NNT: variants seen among roughly 807,000 people sequenced by gnomAD.
The protein encoded by NNT is nicotinamide nucleotide transhydrogenase.
Under a neutral mutation model 104.8 loss-of-function variants are expected in NNT, and 50 were observed. That is an observed-to-expected ratio of 0.48 (90% CI 0.38 to 0.60). NNT has a LOEUF of 0.60. Among genes scored for constraint, NNT ranks in the 20% least tolerant of loss-of-function variants. The probability of loss-of-function intolerance (pLI) is 0.00; values close to 1 mark genes in which losing one functional copy is unlikely to be tolerated. For missense variants in NNT, 1,131 were observed against 1,330.7 expected (o/e 0.85, Z 2.33); for synonymous variants, 461 against 490.4 (o/e 0.94, Z 0.79).
At chr5:43,637,856 C>G (rs1374552893) in intron 7 of NNT, among the ~76,000 whole-genome samples, 1 of 152,138 alleles carries the variant, frequency 6.6e-6, no homozygotes, top group East Asian at 1.9e-4. Flanking sequence ...CGGCTTACAC[C>G]TGGATTTCTG....
At chr5:43,635,386 A>C (rs1750880235) in intron 7 of NNT, among the ~76,000 whole-genome samples, 1 of 152,026 alleles carries the variant, frequency 6.6e-6, no homozygotes. Flanking sequence ...GGGATGGAGG[A>C]GTGTGCATGG....
At chr5:43,658,646 C>A (rs1288698446) in intron 16 of NNT, among the ~76,000 whole-genome samples, 1 of 152,114 alleles carries the variant, frequency 6.6e-6, no homozygotes, top group Non-Finnish European at 1.5e-5. Context: ...CAAGAGTCAT[C>A]CAGAGATTTG....
At position 43,659,177 on chromosome 5, in the gene NNT, A is replaced by C; in HGVS notation, c.2461A>C (p.Thr821Pro). Residue 821 changes from threonine (T) to proline (P), a missense_variant, in exon 17 of 22, where the codon ACT (threonine) becomes CCT (proline). By Grantham distance (38) the Thr-to-Pro change is conservative. Transcript: ENST00000344920. ...VSALSAVMGVTLTAAIGGADM... is the reference protein window; with the variant it reads ...VSALSAVMGVPLTAAIGGADM... ...GATTTGATTGTTGTTCTAGGGTGTG[A>C]CTTTGACAGCTGCTATTGGGGGTGC... 1.2e-6 allele frequency: 2 copies of C among 1,602,644 alleles called. No individual in the cohort carries two copies. The highest frequency in any genetic ancestry group is 1.7e-6 in the Non-Finnish European group (2 of 1,174,636).
At position 43,619,034 on chromosome 5, in the gene NNT, AT is replaced by A; in HGVS notation, c.603del (p.Tyr201Ter). 1 of 1,517,136 alleles carries A rather than the reference AT, an allele frequency of 6.6e-7. No homozygotes were observed. The highest frequency in any genetic ancestry group is 8.9e-7 in the Non-Finnish European group (1 of 1,125,334). The allele number at this position is 1,517,136 out of a possible 1,614,324, so 94.0% of individuals were successfully genotyped here. A position where few individuals can be genotyped will look rare whatever the true frequency, so the allele number is the denominator to read the frequency against. On this transcript the variant is annotated frameshift_variant, in exon 5 of 22. Transcript: ENST00000344920. LOFTEE classifies it high-confidence loss of function. ...TATTTATTTATTTATTTTTAAAGTT[AT>A]AAGGCTGTTGTCCTAGCAGCAAATC... ...ALSSMANIAG[Y>X]KAVVLAANHF...
At chr5:43,693,941 T>C (rs1464333541) in intron 19 of NNT, among the ~76,000 whole-genome samples, 2 of 152,224 alleles carry the variant, frequency 1.3e-5, no homozygotes, top group African/African-American at 4.8e-5. Context: ...GTTCATTCTC[T>C]GCAGTTTGTT....
At position 43,633,495 on chromosome 5, in the gene NNT, C is replaced by T. The variant is rs569169199; in HGVS notation, c.964+5108C>T. ...CTACTCAACTCAATTACTACATCCT[C>T]CATAGTTTCTATTGCCTCCTGCTCA... On this transcript the variant is annotated intron_variant, in intron 7 of 21. Transcript: ENST00000344920. Among the ~76,000 whole-genome samples the T allele has an allele frequency of 2.9e-3, 436 of 152,330 alleles. 2 individuals are homozygous for T. Among genetic ancestry groups the T allele is most frequent in the African/African-American group, 0.01 (421 of 41,574 alleles).
Position 43,649,299 on chromosome 5 carries a change from G to T in NNT, c.1597G>T (p.Ala533Ser). ...CTCACCACTGATGTCTGTGACAAAT[G>T]CAATCTCAGGTTTGTTCCTCTCTTG... ...LHSPLMSVTN[A>S]ISGLTAVGGL... is the part of the protein sequence containing the mutation. The change falls in exon 11 of 22, where the codon GCA becomes TCA. Residue 533 changes from alanine (A) to serine (S), a missense_variant. Coordinates refer to ENST00000344920, the MANE Select transcript of NNT (RefSeq NM_182977.3). 6.2e-7 allele frequency: 1 copy of T among 1,614,092 alleles called. No individual in the cohort carries two copies. Among genetic ancestry groups the T allele is most frequent in the South Asian group, 1.1e-5 (1 of 91,068 alleles).
chr5:43,654,080 G>A (rs1330869633), intron 14 of NNT, among the ~76,000 whole-genome samples: 3 of 151,880 alleles, frequency 2.0e-5, no homozygotes, highest in East Asian at 3.8e-4. Flanking sequence ...TTAAAAACTC[G>A]TAACTTTCTA....
chr5:43,666,625 G>A (rs1402704164), intron 17 of NNT: 2 of 530,728 alleles, frequency 3.8e-6, no homozygotes, highest in Admixed American at 3.1e-5. Context: ...AGAGGGAGAG[G>A]GAGATCTATT....
intron 17 of NNT, among the ~76,000 whole-genome samples, chr5:43,665,732 G>T (rs188277629): frequency 0.056 from 6,120 of 110,266 alleles, 409 homozygotes; most frequent in Middle Eastern, 0.094. Context: ...CCGTTCTCAA[G>T]GAGCTGTTGG....
chr5:43,704,480 C>T lies in NNT; in HGVS notation c.*76C>T. The T allele has an allele frequency of 1.4e-6, 2 of 1,448,448 alleles. No individual in the cohort carries two copies. Among genetic ancestry groups the T allele is most frequent in the South Asian group, 2.4e-5 (2 of 83,882 alleles). 89.7% of individuals were successfully genotyped at this position (1,448,448 alleles called of 1,614,324 possible). On this transcript the variant is annotated 3_prime_UTR_variant, in exon 22 of 22. Coordinates refer to ENST00000344920, the MANE Select transcript of NNT (RefSeq NM_182977.3). ...AACAGGCAAATAAAGTATCAGTATA[C>T]ATGGTGATGTACATCTGTAGCAAAG...
In NNT at chr5:43,641,052, T is replaced by C. The variant is rs1050895504; in HGVS notation, c.965-3140T>C. Among the ~76,000 whole-genome samples, 4 of 152,026 alleles carry C rather than the reference T, an allele frequency of 2.6e-5. No homozygotes were observed. The South Asian group carries it at 6.2e-4, about 24-fold the overall frequency. On this transcript the variant is annotated intron_variant, in intron 7 of 21. Coordinates refer to ENST00000344920, the MANE Select transcript of NNT (RefSeq NM_182977.3). ...TCTTATCTTTCTAGAGTTTAACTTA[T>C]GGTATTAGGTTTGGGTAGATATTTT...
chr5:43,644,067 C>G, intron 7 of NNT, 125 bp from the exon 8 acceptor site: 1 of 862,860 alleles, frequency 1.2e-6, no homozygotes. Flanking sequence ...CTTTAGGGGT[C>G]TCTTGGAAAG....
At chr5:43,700,066 T>C in intron 19 of NNT, 53 bp from the exon 20 acceptor site, 1 of 1,410,608 alleles carries the variant, frequency 7.1e-7, no homozygotes, top group East Asian at 2.3e-5. Flanking sequence ...TTGGGGTCTC[T>C]GTACATTATG....
At chr5:43,659,435 A>C in intron 17 of NNT, 85 bp downstream of exon 17, 1 of 1,183,762 alleles carries the variant, frequency 8.4e-7, no homozygotes, top group Admixed American at 2.3e-5. Flanking sequence ...TTACCCATAA[A>C]AATGAATATT....
chr5:43,630,160 G>A (rs1208979736), intron 7 of NNT, among the ~76,000 whole-genome samples: 1 of 152,062 alleles, frequency 6.6e-6, no homozygotes, highest in Non-Finnish European at 1.5e-5. Context: ...ATAAGGTGAG[G>A]GGTGAGGATC....
At chr5:43,697,520 T>C (rs1580132695) in intron 19 of NNT, among the ~76,000 whole-genome samples, 1 of 152,332 alleles carries the variant, frequency 6.6e-6, no homozygotes, top group Non-Finnish European at 1.5e-5. Context: ...TTCCACATTT[T>C]TGAGTATCTT....
At chr5:43,658,113 T>G (rs1332598880) in intron 16 of NNT, among the ~76,000 whole-genome samples, 1 of 151,990 alleles carries the variant, frequency 6.6e-6, no homozygotes, top group African/African-American at 2.4e-5. Flanking sequence ...CCAGCCTGGG[T>G]GACAAAGCAA....
chr5:43,687,241 A>G (rs916336290), intron 19 of NNT, among the ~76,000 whole-genome samples: 1 of 152,172 alleles, frequency 6.6e-6, no homozygotes, highest in Admixed American at 6.5e-5. Flanking sequence ...CTATGACCTC[A>G]TTTTAGTTAT....
Sources: allele counts gnomAD v4.1 joint callset (sites outside exome capture counted in the v4.1 genomes callset), GRCh38; gene constraint gnomAD v4.1.1; transcripts MANE v1.5; gene names NCBI Gene and HGNC (gene_info 2026-07-23, HGNC 2026-07-21).